Variants in KCNMB2 observed in about 807,000 individuals in gnomAD.
KCNMB2 encodes calcium-activated potassium channel subunit beta-2.
In KCNMB2, 9 loss-of-function variants were observed where a neutral mutation model predicts 24.5. The ratio of observed to expected loss-of-function variants is 0.37; its 90% CI spans 0.22 to 0.64. KCNMB2 has a LOEUF of 0.64. Ranked by LOEUF, KCNMB2 falls within the 30% of genes least tolerant of loss-of-function variation. The pLI is 0.63. For missense variants in KCNMB2, 226 were observed against 284.3 expected, an observed-to-expected ratio of 0.79 and a Z score of 1.47; for synonymous variants, 109 against 104.4, an observed-to-expected ratio of 1.04 and a Z score of -0.27.
chr3:178,677,547 G>A (rs1459807921), intron 1 of KCNMB2, among the ~76,000 whole-genome samples: 16 of 152,248 alleles, frequency 1.1e-4, no homozygotes, highest in Non-Finnish European at 2.2e-4. Context: ...CAGCTCATTT[G>A]TTTTGTCTTC....
chr3:178,704,776 G>A (rs1361238482), intron 1 of KCNMB2, among the ~76,000 whole-genome samples: 1 of 152,122 alleles, frequency 6.6e-6, no homozygotes, highest in Non-Finnish European at 1.5e-5. Context: ...CAAGACTAAA[G>A]TCCACCTTTC....
At chr3:178,685,505 C>T (rs7373155) in intron 1 of KCNMB2, among the ~76,000 whole-genome samples, 108,192 of 152,164 alleles carry the variant, frequency 0.71, 38,883 homozygotes, top group African/African-American at 0.84. Context: ...CAGCCAGAGA[C>T]CAAGGTGGCT....
chr3:178,697,577 T>G (rs1439470678), intron 1 of KCNMB2, among the ~76,000 whole-genome samples: 1 of 152,210 alleles, frequency 6.6e-6, no homozygotes, highest in Non-Finnish European at 1.5e-5. Context: ...CTCTATGCCT[T>G]TTATTTGGAG....
intron 1 of KCNMB2, among the ~76,000 whole-genome samples, chr3:178,690,177 T>C (rs548551034): frequency 2.0e-5 from 3 of 152,342 alleles, no homozygotes; most frequent in Middle Eastern, 3.4e-3. Context: ...ATGTGAATCT[T>C]ATCATTGTAT....
intron 1 of KCNMB2, among the ~76,000 whole-genome samples, chr3:178,789,472 G>A (rs1018193478): frequency 6.6e-6 from 1 of 152,194 alleles, no homozygotes; most frequent in African/African-American, 2.4e-5. Flanking sequence ...ACAGTACCCG[G>A]TTTTAAAATC....
chr3:178,683,994 T>G (rs754241094), intron 1 of KCNMB2, among the ~76,000 whole-genome samples: 10 of 152,176 alleles, frequency 6.6e-5, no homozygotes, highest in Admixed American at 1.3e-4. Context: ...AGATACTCAC[T>G]GCTATACTTA....
intron 1 of KCNMB2, among the ~76,000 whole-genome samples, chr3:178,605,704 T>A (rs1378076566): frequency 1.3e-5 from 2 of 152,182 alleles, no homozygotes; most frequent in Admixed American, 6.5e-5. Flanking sequence ...GGAAAGGTGA[T>A]CTTTTTTATA....
intron 1 of KCNMB2, among the ~76,000 whole-genome samples, chr3:178,671,675 CAT>C (rs1272363839): frequency 2.0e-5 from 3 of 152,174 alleles, no homozygotes; most frequent in Admixed American, 6.5e-5. Context: ...AGACAGCGTG[CAT>C]TTCAGGCCAC....
At chr3:178,828,633 A>G (rs1056879212) in intron 4 of KCNMB2, among the ~76,000 whole-genome samples, 9 of 152,290 alleles carry the variant, frequency 5.9e-5, no homozygotes, top group African/African-American at 2.2e-4. Flanking sequence ...AAATATTAAT[A>G]TATCTTTACA....
intron 1 of KCNMB2, among the ~76,000 whole-genome samples, chr3:178,754,680 C>G (rs1723966809): frequency 6.6e-6 from 1 of 152,100 alleles, no homozygotes; most frequent in African/African-American, 2.4e-5. Context: ...ATCACATTCT[C>G]TAATCTGACG....
At chr3:178,606,887 T>G (rs1278206697) in intron 1 of KCNMB2, among the ~76,000 whole-genome samples, 2 of 152,092 alleles carry the variant, frequency 1.3e-5, no homozygotes, top group African/African-American at 4.8e-5. Flanking sequence ...ACCAGAAAGC[T>G]CTCTCTCCCC....
rs547002960 is a variant in KCNMB2 at position 178,813,094 on chromosome 3, G to T, written c.56+5629G>T. Reference sequence around the variant, plus strand: ...TATGTCACCAAGTCTTTCTCTGAATGAATACGATTAACCTCTACATTGGTT... The same window carrying T: ...TATGTCACCAAGTCTTTCTCTGAATTAATACGATTAACCTCTACATTGGTT... On this transcript the variant is annotated intron_variant, in intron 2 of 4. Coordinates refer to ENST00000452583, the MANE Select transcript of KCNMB2 (RefSeq NM_181361.3). 2.0e-5 allele frequency among the ~76,000 whole-genome samples: 3 copies of T among 152,200 alleles called. No homozygotes were observed. In the South Asian group the frequency reaches 6.2e-4, roughly 32 times the overall value.
At chr3:178,651,338 A>G (rs1445048943) in intron 1 of KCNMB2, among the ~76,000 whole-genome samples, 1 of 152,194 alleles carries the variant, frequency 6.6e-6, no homozygotes, top group Non-Finnish European at 1.5e-5. Context: ...AAGAGAATAA[A>G]ATACCTAGAA....
chr3:178,577,906 T>G (rs1383194144), intron 1 of KCNMB2, among the ~76,000 whole-genome samples: 1 of 152,168 alleles, frequency 6.6e-6, no homozygotes, highest in Non-Finnish European at 1.5e-5. Context: ...ATTTGATTGG[T>G]GTACCTGAAA....
intron 1 of KCNMB2, among the ~76,000 whole-genome samples, chr3:178,782,853 G>T (rs1408512937): frequency 2.4e-4 from 36 of 151,270 alleles, no homozygotes; most frequent in African/African-American, 4.6e-4. Context: ...GTTTTAGACA[G>T]GAAGTCCTTG....
intron 1 of KCNMB2, among the ~76,000 whole-genome samples, chr3:178,645,693 C>T (rs2108553624): frequency 6.6e-6 from 1 of 152,222 alleles, no homozygotes; most frequent in African/African-American, 2.4e-5. Context: ...AACCCAGCCA[C>T]AGAGCCGGTT....
At chr3:178,610,870 T>G (rs975527365) in intron 1 of KCNMB2, among the ~76,000 whole-genome samples, 5 of 152,172 alleles carry the variant, frequency 3.3e-5, no homozygotes, top group African/African-American at 9.7e-5. Flanking sequence ...GTGGGTTTGT[T>G]GTATATGGCT....
intron 4 of KCNMB2, 31 bp from the exon 5 acceptor site, chr3:178,842,622 T>C (rs773908938): frequency 6.8e-7 from 1 of 1,470,288 alleles, no homozygotes; most frequent in East Asian, 2.3e-5. Flanking sequence ...ACATAGTATC[T>C]TCTAGTAACA....
Position 178,844,053 on chromosome 3 carries a change from T to G in KCNMB2, c.*1116T>G, listed in dbSNP as rs1244102253. 2 of 152,568 alleles carry G rather than the reference T, an allele frequency of 1.3e-5. No homozygotes were observed. Among genetic ancestry groups the G allele is most frequent in the African/African-American group, 4.8e-5 (2 of 41,462 alleles). The allele number at this position is 152,568 out of a possible 1,614,324, so 9.5% of individuals were successfully genotyped here. A position where few individuals can be genotyped will look rare whatever the true frequency, so the allele number is the denominator to read the frequency against. ...GAATAGATCTTTTTTCTAACACATA[T>G]TTGAACTGAATAACAGACTTAAAGA... On this transcript the variant is annotated 3_prime_UTR_variant, in exon 5 of 5. Transcript: ENST00000452583.
Sources: gnomAD v4.1 joint callset for allele counts (sites outside exome capture counted in the v4.1 genomes callset) on GRCh38, gnomAD v4.1.1 for gene constraint, MANE v1.5 for transcripts, NCBI Gene and HGNC (gene_info 2026-07-23, HGNC 2026-07-21) for gene names.